EVC2: variants seen among roughly 807,000 people sequenced by gnomAD.
EVC2 encodes EvC ciliary complex subunit 2, also known as limbin.
EVC2 carries 148 observed loss-of-function variants against 149.3 expected under a neutral mutation model. That is an observed-to-expected ratio of 0.99 (90% CI 0.87 to 1.14). EVC2 has a LOEUF of 1.14. Ranked by LOEUF, EVC2 falls within the 50% of genes most tolerant of loss-of-function variation. EVC2 has a pLI of 0.00. For synonymous variants in EVC2, 776 were observed against 649.9 expected (o/e 1.19, Z -2.95); for missense variants, 1,854 against 1,627.3 (o/e 1.14, Z -2.40).
downstream of EVC2, among the ~76,000 whole-genome samples, chr4:5,558,765 C>G (rs1436590791): frequency 1.3e-5 from 2 of 152,206 alleles, no homozygotes; most frequent in Non-Finnish European, 2.9e-5. Flanking sequence ...AAGTACTCTA[C>G]TCTACTGAGA....
chr4:5,688,857 C>T lies in EVC2; in HGVS notation c.706+300G>A, dbSNP rs67064159. On this transcript the variant is annotated intron_variant, in intron 5 of 21. Coordinates refer to ENST00000344408, the MANE Select transcript of EVC2 (RefSeq NM_147127.5). ...GTCCACTGTCAACTCTATCTTTGTG[C>T]ATGTTTGAAATTTTTCATAATAAAA... Among the ~76,000 whole-genome samples the T allele has an allele frequency of 0.28, 42,719 of 152,066 alleles. 6,251 individuals carry two copies. The highest frequency in any genetic ancestry group is 0.34 in the African/African-American group (14,263 of 41,462).
intron 1 of EVC2, among the ~76,000 whole-genome samples, chr4:5,701,576 C>A (rs1721827157): frequency 1.3e-5 from 2 of 152,186 alleles, no homozygotes; most frequent in South Asian, 4.1e-4. Context: ...TGCTCCAGGG[C>A]ACTCTTTCCA....
At chr4:5,536,158 T>C in the EVC2 span, among the ~76,000 whole-genome samples, 4 of 152,100 alleles carry the variant, frequency 2.6e-5, no homozygotes, top group Non-Finnish European at 5.9e-5. Flanking sequence ...TTAGCACCAA[T>C]TTTAAACATA....
chr4:5,616,564 T>C (rs1369940129), intron 15 of EVC2, among the ~76,000 whole-genome samples: 4 of 152,192 alleles, frequency 2.6e-5, no homozygotes, highest in Admixed American at 2.0e-4. Flanking sequence ...CCACTAACAT[T>C]GCTCCACCTG....
chr4:5,550,769 G>A (rs1307233119), intron 21 of EVC2, among the ~76,000 whole-genome samples: 3 of 152,208 alleles, frequency 2.0e-5, no homozygotes, highest in Non-Finnish European at 1.5e-5. Flanking sequence ...TGGAGGCTTA[G>A]GAAGAAAAAG....
intron 17 of EVC2, among the ~76,000 whole-genome samples, chr4:5,582,808 G>C (rs1431287759): frequency 6.6e-6 from 1 of 152,180 alleles, no homozygotes; most frequent in Admixed American, 6.5e-5. Context: ...TCCCTTCGGT[G>C]CTGTTCTCGT....
At chr4:5,639,566 G>A (rs1278313950) in intron 10 of EVC2, among the ~76,000 whole-genome samples, 1 of 152,234 alleles carries the variant, frequency 6.6e-6, no homozygotes, top group Non-Finnish European at 1.5e-5. Flanking sequence ...CCCACCCTGA[G>A]AGGTGGCTTG....
intron 19 of EVC2, among the ~76,000 whole-genome samples, chr4:5,572,468 A>T (rs924905813): frequency 3.9e-5 from 6 of 152,050 alleles, no homozygotes; most frequent in Non-Finnish European, 8.8e-5. Context: ...TTGCCTTCCC[A>T]TCCCCTCTGC....
At chr4:5,565,211 C>T in intron 21 of EVC2, 47 bp downstream of exon 21, 1 of 1,592,144 alleles carries the variant, frequency 6.3e-7, no homozygotes, top group Non-Finnish European at 8.6e-7. Context: ...CCACAGGCAG[C>T]TTAGCTCACC....
Position 5,562,463 on chromosome 4 carries a change from TA to T in EVC2, c.*384del, listed in dbSNP as rs1560120998. On this transcript the variant is annotated 3_prime_UTR_variant, in exon 22 of 22. Coordinates refer to ENST00000344408, the MANE Select transcript of EVC2 (RefSeq NM_147127.5). This position sits in a 1 kb window ranked among gnomAD's most constrained non-coding sequence, Gnocchi z 4.3. ...CTTTGTGCAAAACACATTTATTTTTTAAAATTCCCTTTATAAAAATAGAATA... is the reference window on the plus strand; with the variant it reads ...CTTTGTGCAAAACACATTTATTTTTTAAATTCCCTTTATAAAAATAGAATA... 9.3e-6 allele frequency: 10 copies of T among 1,072,492 alleles called. No homozygotes were observed. The highest frequency in any genetic ancestry group is 1.1e-5 in the Non-Finnish European group (10 of 880,684). The allele number at this position is 1,072,492 out of a possible 1,614,324, so 66.4% of individuals were successfully genotyped here.
In EVC2 at chr4:5,574,750, T is replaced by A; in HGVS notation, c.3295A>T (p.Ser1099Cys). Residue 1099 changes from serine to cysteine, a missense_variant, in exon 19 of 22, where the codon AGT becomes TGT. By Grantham distance (112) the Ser-to-Cys change is moderately radical. Transcript: ENST00000344408. Reference sequence around the variant, plus strand: ...TCCAACAAGTCTTCTAGCACGACACTGTTCTGTTGTTCCTCTCTCAAACTG... The same window carrying A: ...TCCAACAAGTCTTCTAGCACGACACAGTTCTGTTGTTCCTCTCTCAAACTG... ...QQCLREEQQN[S>C]VVLEDLLENM... 6.2e-7 allele frequency: 1 copy of A among 1,614,224 alleles called. No individual in the cohort carries two copies. Among genetic ancestry groups the A allele is most frequent in the Non-Finnish European group, 8.5e-7 (1 of 1,180,036 alleles).
rs2108828186 is a variant in EVC2, at chr4:5,614,976, C to CA, written c.2829+445dup. Among the ~76,000 whole-genome samples, 1 of 151,746 alleles carries CA rather than the reference C, an allele frequency of 6.6e-6. No homozygotes were observed. Among genetic ancestry groups the CA allele is most frequent in the East Asian group, 1.9e-4 (1 of 5,154 alleles). ...TGGGTGACAGAGTAAGACTCCATTT[C>CA]AAAAAAACCAAAACCAAACAAACAA... On this transcript the variant is annotated intron_variant, in intron 16 of 21. Coordinates refer to ENST00000344408, the MANE Select transcript of EVC2 (RefSeq NM_147127.5). The surrounding 1 kb of genome is among the most constrained non-coding windows in gnomAD (Gnocchi z 4.7).
intron 4 of EVC2, among the ~76,000 whole-genome samples, chr4:5,690,099 G>T (rs972165281): frequency 6.6e-6 from 1 of 152,236 alleles, no homozygotes; most frequent in Non-Finnish European, 1.5e-5. Flanking sequence ...GAAAAAAAGT[G>T]GGGGAGAAAG....
intron 17 of EVC2, among the ~76,000 whole-genome samples, chr4:5,578,879 C>T (rs1711517176): frequency 6.6e-6 from 1 of 152,080 alleles, no homozygotes; most frequent in African/African-American, 2.4e-5. Context: ...CAGAGGGAAT[C>T]ATGGATGGCT....
chr4:5,544,178 G>A (rs150529531), intron 21 of EVC2, among the ~76,000 whole-genome samples: 1 of 152,122 alleles, frequency 6.6e-6, no homozygotes, highest in East Asian at 1.9e-4. Flanking sequence ...ATTTGACAGG[G>A]CTTACCTGGC....
At chr4:5,545,061 C>T (rs1026630465) in intron 21 of EVC2, among the ~76,000 whole-genome samples, 2 of 152,314 alleles carry the variant, frequency 1.3e-5, no homozygotes, top group African/African-American at 2.4e-5. Context: ...TTCTATTCTT[C>T]GTGTAGTTTA....
chr4:5,555,766 G>C (rs1218409357), intron 21 of EVC2, among the ~76,000 whole-genome samples: 1 of 152,218 alleles, frequency 6.6e-6, no homozygotes, highest in East Asian at 1.9e-4. Flanking sequence ...AACATAGTTG[G>C]CCTGAATAGC....
chr4:5,648,213 A>T (rs372643522), intron 9 of EVC2, among the ~76,000 whole-genome samples: 2 of 152,240 alleles, frequency 1.3e-5, no homozygotes, highest in South Asian at 4.1e-4. Flanking sequence ...GCAATAGATT[A>T]TTGTAAATGA....
chr4:5,668,706 A>C (rs1719436162), intron 7 of EVC2, among the ~76,000 whole-genome samples: 1 of 152,240 alleles, frequency 6.6e-6, no homozygotes, highest in African/African-American at 2.4e-5. Flanking sequence ...TTATCTTCAA[A>C]GAAGGCAACA....
Sources: gnomAD v4.1 joint callset for allele counts (sites outside exome capture counted in the v4.1 genomes callset) on GRCh38, gnomAD v4.1.1 for gene constraint, Gnocchi (gnomAD v3.1) non-coding constraint, MANE v1.5 for transcripts, NCBI Gene and HGNC (gene_info 2026-07-23, HGNC 2026-07-21) for gene names.